Variants in HERC5 observed in about 807,000 individuals in gnomAD.
HERC5 encodes the protein HECT and RLD domain containing E3 ubiquitin protein ligase 5, also known as E3 ISG15--protein ligase HERC5.
HERC5 carries 99 observed loss-of-function variants against 119.6 expected under a neutral mutation model. The ratio of observed to expected loss-of-function variants is 0.83; its 90% CI spans 0.70 to 0.98. The LOEUF is 0.98. Among genes scored for constraint, HERC5 ranks in the 50% least tolerant of loss-of-function variants. HERC5 has a pLI of 0.00. For synonymous variants in HERC5, 478 were observed against 445.9 expected, an observed-to-expected ratio of 1.07 and a Z score of -0.91; for missense variants, 1,267 against 1,241.3, an observed-to-expected ratio of 1.02 and a Z score of -0.31.
At chr4:88,481,572 T>C (rs1287520818) in intron 13 of HERC5, among the ~76,000 whole-genome samples, 2 of 152,218 alleles carry the variant, frequency 1.3e-5, no homozygotes, top group Non-Finnish European at 2.9e-5. Context: ...TTAAACTTTT[T>C]TTCTCCCATA....
In HERC5 at chr4:88,457,250, T is replaced by C. The variant is rs1049011816; in HGVS notation, c.-20T>C. 6.8e-6 allele frequency: 9 copies of C among 1,321,974 alleles called. No individual in the cohort carries two copies. Among genetic ancestry groups the C allele is most frequent in the Non-Finnish European group, 8.7e-6 (9 of 1,036,472 alleles). 81.9% of individuals were successfully genotyped at this position (1,321,974 alleles called of 1,614,324 possible). A position where few individuals can be genotyped will look rare whatever the true frequency, so the allele number is the denominator to read the frequency against. ...CGTTCTCTCCTCTCGCCTCTGGGCC[T>C]GGGACCCCGCAAAGCGGCGATGGAG... On this transcript the variant is annotated 5_prime_UTR_variant, in exon 1 of 23. Coordinates refer to ENST00000264350, the MANE Select transcript of HERC5 (RefSeq NM_016323.4).
rs1740781500 is a variant in HERC5 at position 88,469,255 on chromosome 4, A to G, written c.1233A>G (p.Thr411=). The change falls in exon 9 of 23, where the codon ACA becomes ACG. Residue 411 remains threonine (T), a synonymous_variant. Transcript: ENST00000264350. ...ADVETKRWQS[T]KREIQEIFSS... is the part of the protein sequence containing the mutation. ...TGGAGACTAAACGGTGGCAGAGCAC[A>G]AAAAGGTACACCCCACAGTCTGACT... is the stretch of plus-strand genomic sequence containing the variant. The G allele has an allele frequency of 6.2e-7, 1 of 1,601,940 alleles. No individual in the cohort carries two copies. Among genetic ancestry groups the G allele is most frequent in the Non-Finnish European group, 8.6e-7 (1 of 1,169,006 alleles).
intron 19 of HERC5, 107 bp downstream of exon 19, chr4:88,500,099 T>C: frequency 2.9e-6 from 2 of 696,086 alleles, no homozygotes; most frequent in Non-Finnish European, 4.8e-6. Flanking sequence ...CTGAATAAAT[T>C]AGTGAAAAAG....
chr4:88,504,958 A>G (rs1373123565), intron 22 of HERC5, among the ~76,000 whole-genome samples: 1 of 152,172 alleles, frequency 6.6e-6, no homozygotes, highest in African/African-American at 2.4e-5. Context: ...TATATTTGCT[A>G]TTACTGTACA....
intron 16 of HERC5, among the ~76,000 whole-genome samples, chr4:88,492,529 A>G (rs907175986): frequency 1.3e-5 from 2 of 151,404 alleles, no homozygotes; most frequent in African/African-American, 4.9e-5. Flanking sequence ...GGATCACTTG[A>G]GGTCAGGAGT....
chr4:88,480,531 A>G (rs1741245937), intron 13 of HERC5, among the ~76,000 whole-genome samples: 1 of 149,030 alleles, frequency 6.7e-6, no homozygotes, highest in South Asian at 2.1e-4. Context: ...GTTTTCTTGT[A>G]TCAAGGATTG....
At chr4:88,459,874 A>G (rs925097184) in intron 2 of HERC5, among the ~76,000 whole-genome samples, 4 of 152,192 alleles carry the variant, frequency 2.6e-5, no homozygotes, top group Non-Finnish European at 4.4e-5. Flanking sequence ...CCTGCATCCT[A>G]AAATTGTTTG....
chr4:88,463,711 C>A, intron 5 of HERC5, 88 bp downstream of exon 5: 1 of 1,387,930 alleles, frequency 7.2e-7, no homozygotes, highest in Non-Finnish European at 1.0e-6. Context: ...GAAAGGTCAT[C>A]ACTTCCTGTA....
chr4:88,459,007 A>G (rs1446884794), intron 1 of HERC5, among the ~76,000 whole-genome samples: 2 of 152,112 alleles, frequency 1.3e-5, no homozygotes, highest in Admixed American at 6.6e-5. Context: ...TTAAAGTTAT[A>G]TTTTCTTATA....
rs1301276814 is a variant in HERC5, at chr4:88,472,481, A to G, written c.1371A>G (p.Gln457=). Residue 457 remains glutamine (Q), a synonymous_variant, in exon 11 of 23, where the codon CAA becomes CAG. Coordinates refer to ENST00000264350, the MANE Select transcript of HERC5 (RefSeq NM_016323.4). ...GAAACATCTTCAAGGAGTTAACCCAAAAGGACTGGATTACTAACATGGTAT... is the reference window on the plus strand; with the variant it reads ...GAAACATCTTCAAGGAGTTAACCCAGAAGGACTGGATTACTAACATGGTAT... ...KARNIFKELT[Q]KDWITNMITT... 2 of 1,585,934 alleles carry G rather than the reference A, an allele frequency of 1.3e-6. No homozygotes were observed. Among genetic ancestry groups the G allele is most frequent in the African/African-American group, 2.7e-5 (2 of 74,202 alleles).
At position 88,475,697 on chromosome 4, in the gene HERC5, A is replaced by G. The variant is rs865910440; in HGVS notation, c.1393-144A>G. The G allele has an allele frequency of 9.2e-5, 64 of 698,062 alleles. No individual in the cohort carries two copies. In the South Asian group the frequency reaches 1.1e-3, roughly 12 times the overall value. The allele number at this position is 698,062 out of a possible 1,614,324, so 43.2% of individuals were successfully genotyped here. A position where few individuals can be genotyped will look rare whatever the true frequency, so the allele number is the denominator to read the frequency against. ...GGAGGCTAGGTGAGAAGGGATGTAA[A>G]CAGGGGTTTTAGAAAACTCAATGAT... On this transcript the variant is annotated intron_variant, in intron 11 of 22. Coordinates refer to ENST00000264350, the MANE Select transcript of HERC5 (RefSeq NM_016323.4).
chr4:88,461,985 T>C (rs914254685), intron 3 of HERC5, 150 bp from the exon 4 acceptor site: 1 of 659,574 alleles, frequency 1.5e-6, no homozygotes, highest in African/African-American at 1.8e-5. Flanking sequence ...TCTGTGTTTT[T>C]CTGTGGCAGA....
At chr4:88,489,693 G>T (rs1741572897) in intron 16 of HERC5, among the ~76,000 whole-genome samples, 1 of 152,026 alleles carries the variant, frequency 6.6e-6, no homozygotes, top group South Asian at 2.1e-4. Context: ...AGAATTAAGG[G>T]GTTGTTTTTG....
At chr4:88,460,025 T>C in intron 2 of HERC5, 70 bp from the exon 3 acceptor site, 1 of 823,740 alleles carries the variant, frequency 1.2e-6, no homozygotes, top group East Asian at 2.7e-5. Flanking sequence ...TAAATACTAT[T>C]AATAGTTCTA....
At chr4:88,484,615 G>A (rs1017929894) in intron 13 of HERC5, among the ~76,000 whole-genome samples, 1 of 152,170 alleles carries the variant, frequency 6.6e-6, no homozygotes, top group Non-Finnish European at 1.5e-5. Context: ...GGGTCAAGGT[G>A]GAGGTGGAGT....
chr4:88,464,776 A>AT (rs1451213894), intron 6 of HERC5, among the ~76,000 whole-genome samples: 34 of 151,638 alleles, frequency 2.2e-4, no homozygotes, highest in African/African-American at 8.0e-4. Flanking sequence ...TTATTTATTT[A>AT]TTATTTTTTT....
intron 15 of HERC5, among the ~76,000 whole-genome samples, chr4:88,487,826 A>G (rs1183773856): frequency 6.6e-6 from 1 of 152,244 alleles, no homozygotes; most frequent in African/African-American, 2.4e-5. Flanking sequence ...TGTATCAGAT[A>G]ATCCCTGCCG....
Position 88,504,526 on chromosome 4 carries a change from C to A in HERC5, c.2798C>A (p.Ser933Ter). The A allele has an allele frequency of 6.3e-7, 1 of 1,580,340 alleles. No individual in the cohort carries two copies. Residue 933 changes from serine (S) to a stop codon, truncating the protein, a stop_gained, in exon 22 of 23, where the codon TCA becomes TAA. Coordinates refer to ENST00000264350, the MANE Select transcript of HERC5 (RefSeq NM_016323.4). LOFTEE classifies it high-confidence loss of function. ...CGTTATGAACCAGGATATAACAGTT[C>A]ACATCCCACCATAGTGATGTTTTGG... ...NARYEPGYNSSHPTIVMFWKA... is the reference protein window; with the variant it reads ...NARYEPGYNS
At chr4:88,501,497 TA>T (rs1741946614) in intron 20 of HERC5, among the ~76,000 whole-genome samples, 1 of 152,210 alleles carries the variant, frequency 6.6e-6, no homozygotes, top group Non-Finnish European at 1.5e-5. Context: ...GAATGCCATT[TA>T]AAGCCATGGA....
Sources: gnomAD v4.1 joint callset for allele counts (sites outside exome capture counted in the v4.1 genomes callset) on GRCh38, gnomAD v4.1.1 for gene constraint, MANE v1.5 for transcripts, NCBI Gene and HGNC (gene_info 2026-07-23, HGNC 2026-07-21) for gene names.